Variants in CCSER2 observed in about 807,000 individuals in gnomAD.
The protein encoded by CCSER2 is serine-rich coiled-coil domain-containing protein 2.
Under a neutral mutation model 92.3 loss-of-function variants are expected in CCSER2, and 46 were observed. That is an observed-to-expected ratio of 0.50 (90% confidence interval 0.39 to 0.64). The LOEUF (loss-of-function observed/expected upper bound fraction) is 0.64. Among genes scored for constraint, CCSER2 ranks in the 30% least tolerant of loss-of-function variants. The pLI, the probability that CCSER2 is intolerant of heterozygous loss-of-function variation, is 0.00. For missense variants in CCSER2, 1,244 were observed against 1,238.9 expected, an observed-to-expected ratio of 1.00 and a Z score of -0.06; for synonymous variants, 433 against 431.4, an observed-to-expected ratio of 1.00 and a Z score of -0.04.
chr10:84,514,497 A>G lies in CCSER2; in HGVS notation c.*230A>G, dbSNP rs142173718. On this transcript the variant is annotated 3_prime_UTR_variant, in exon 10 of 10. Transcript: ENST00000372088. ...GGTAAACACGAAAGTTTGCTTACCC[A>G]TTTCAGAGGCCTGCCAAAGGCCCAA... 168 of 515,226 alleles carry G rather than the reference A, an allele frequency of 3.3e-4. No homozygotes were observed. The highest frequency in any genetic ancestry group is 5.3e-4 in the Non-Finnish European group (157 of 293,612). 31.9% of individuals were successfully genotyped at this position (515,226 alleles called of 1,614,324 possible).
chr10:84,366,355 G>A (rs900520681), intron 1 of CCSER2, among the ~76,000 whole-genome samples: 1 of 152,132 alleles, frequency 6.6e-6, no homozygotes, highest in Non-Finnish European at 1.5e-5. Context: ...TTTACATTAA[G>A]AGATTATGAA....
chr10:84,372,409 C>G lies in CCSER2; in HGVS notation c.1357C>G (p.Pro453Ala), dbSNP rs1202334462. ...GCCACCACAGGATATGTTTGATTCC[C>G]CCAAGGAAAATGAAAAAGCCTTCAG... ...NGPPQDMFDS[P>A]KENEKAFSKT... The change falls in exon 2 of 10, where the codon CCC (proline) becomes GCC (alanine). Residue 453 changes from proline (P) to alanine (A), a missense_variant. Transcript: ENST00000372088. The G allele has an allele frequency of 7.5e-6, 12 of 1,591,790 alleles. No homozygotes were observed. Among genetic ancestry groups the G allele is most frequent in the African/African-American group, 1.4e-5 (1 of 73,194 alleles).
intron 3 of CCSER2, among the ~76,000 whole-genome samples, chr10:84,393,569 T>C (rs1841651998): frequency 6.6e-6 from 1 of 152,210 alleles, no homozygotes; most frequent in African/African-American, 2.4e-5. Flanking sequence ...TGGCCCTCTG[T>C]GCCGTAGATG....
Position 84,371,919 on chromosome 10 carries a change from A to G in CCSER2, c.867A>G (p.Gly289=). ...ATGGGAATGAACATTTGGGGTATGG[A>G]TTTAATAGGCCTTATGCTGCTGGTG... The part of the protein sequence containing the change: ...VLNGNEHLGY[G]FNRPYAAGGK... Residue 289 remains glycine, a synonymous_variant, in exon 2 of 10, where the codon GGA becomes GGG. Transcript: ENST00000372088. 2 of 1,613,920 alleles carry G rather than the reference A, an allele frequency of 1.2e-6. No individual in the cohort carries two copies. Among genetic ancestry groups the G allele is most frequent in the Non-Finnish European group, 1.7e-6 (2 of 1,179,872 alleles).
chr10:84,397,956 C>T (rs1004341017), intron 3 of CCSER2, among the ~76,000 whole-genome samples: 2 of 152,192 alleles, frequency 1.3e-5, no homozygotes, highest in African/African-American at 4.8e-5. Flanking sequence ...CTAATTATAG[C>T]ATTTGAGAAA....
intron 3 of CCSER2, chr10:84,391,739 A>G (rs1841530380): frequency 1.3e-6 from 2 of 1,499,334 alleles, no homozygotes; most frequent in African/African-American, 1.4e-5. Context: ...GGTGGCCCCC[A>G]TGCTACAGCA....
chr10:84,514,534 C>A lies in CCSER2; in HGVS notation c.*267C>A. On this transcript the variant is annotated 3_prime_UTR_variant, in exon 10 of 10. Transcript: ENST00000372088. ...TGCCAAAGGCCCAAATCATGTTATC[C>A]ATCCCTCTCCACGTCAGAAAATTCA... 1 of 459,454 alleles carries A rather than the reference C, an allele frequency of 2.2e-6. No homozygotes were observed. Among genetic ancestry groups the A allele is most frequent in the Admixed American group, 4.0e-5 (1 of 25,012 alleles). 28.5% of individuals were successfully genotyped at this position (459,454 alleles called of 1,614,324 possible).
At chr10:84,495,666 C>A (rs1408128135) in intron 9 of CCSER2, among the ~76,000 whole-genome samples, 1 of 151,616 alleles carries the variant, frequency 6.6e-6, no homozygotes, top group Admixed American at 6.6e-5. Context: ...ACTGTGTCTT[C>A]TTGGTAGATT....
At chr10:84,375,372 A>T (rs1466900365) in intron 3 of CCSER2, among the ~76,000 whole-genome samples, 1 of 152,158 alleles carries the variant, frequency 6.6e-6, no homozygotes, top group East Asian at 1.9e-4. Flanking sequence ...TAAGGAGAAG[A>T]TGACAAAGTC....
At chr10:84,373,865 G>A in intron 3 of CCSER2, 50 bp downstream of exon 3, 1 of 1,609,412 alleles carries the variant, frequency 6.2e-7, no homozygotes, top group Non-Finnish European at 8.5e-7. Flanking sequence ...CCCTACTATA[G>A]AGAGACTTGT....
intron 9 of CCSER2, among the ~76,000 whole-genome samples, chr10:84,479,450 G>C (rs1186399919): frequency 6.6e-6 from 1 of 152,154 alleles, no homozygotes; most frequent in Non-Finnish European, 1.5e-5. Flanking sequence ...TGTCCAAGGG[G>C]ATTTTGTGTC....
intron 1 of CCSER2, among the ~76,000 whole-genome samples, chr10:84,370,411 G>A (rs1007505363): frequency 6.6e-6 from 1 of 151,998 alleles, no homozygotes; most frequent in African/African-American, 2.4e-5. Flanking sequence ...AAGGGATTGA[G>A]TTCTTGATTC....
Position 84,515,819 on chromosome 10 carries a change from A to G in CCSER2, c.*1552A>G, listed in dbSNP as rs116900483. On this transcript the variant is annotated 3_prime_UTR_variant, in exon 10 of 10. Transcript: ENST00000372088. ...AAGATGTTTCAAAGACAATATTCTT[A>G]TTTTAATACGCTGTAGAAGGTAGGT... 6.6e-6 allele frequency: 1 copy of G among 152,178 alleles called. No individual in the cohort carries two copies. Among genetic ancestry groups the G allele is most frequent in the Non-Finnish European group, 1.5e-5 (1 of 68,014 alleles). 9.4% of individuals were successfully genotyped at this position (152,178 alleles called of 1,614,324 possible).
chr10:84,385,516 C>T (rs1003684886), intron 3 of CCSER2, among the ~76,000 whole-genome samples: 2 of 152,118 alleles, frequency 1.3e-5, no homozygotes, highest in Non-Finnish European at 2.9e-5. Context: ...AAAGGACACC[C>T]TATTCAGTAA....
chr10:84,487,626 T>G (rs922969414), intron 9 of CCSER2, among the ~76,000 whole-genome samples: 7 of 152,186 alleles, frequency 4.6e-5, no homozygotes, highest in Non-Finnish European at 7.4e-5. Flanking sequence ...CTTATCAGCT[T>G]AAGGAGATTT....
chr10:84,456,469 T>C (rs1235543919), intron 6 of CCSER2, among the ~76,000 whole-genome samples: 2 of 152,194 alleles, frequency 1.3e-5, no homozygotes, highest in African/African-American at 4.8e-5. Flanking sequence ...ACCAGTTTGC[T>C]TATTCATTTA....
intron 6 of CCSER2, among the ~76,000 whole-genome samples, chr10:84,445,522 G>C (rs1184944709): frequency 2.0e-5 from 3 of 152,122 alleles, no homozygotes; most frequent in Admixed American, 2.0e-4. Flanking sequence ...ATACAGAAAA[G>C]GGTATAATTA....
intron 3 of CCSER2, among the ~76,000 whole-genome samples, chr10:84,381,567 C>G (rs1446478519): frequency 6.6e-6 from 1 of 152,126 alleles, no homozygotes; most frequent in Non-Finnish European, 1.5e-5. Flanking sequence ...AATTTTGATA[C>G]ATGCGAGGCA....
intron 4 of CCSER2, chr10:84,424,885 C>T (rs1843345700): frequency 2.2e-6 from 1 of 462,216 alleles, no homozygotes; most frequent in Non-Finnish European, 2.8e-6. Flanking sequence ...GCAAACTGGG[C>T]TTGCTTCCCA....
Sources: gnomAD v4.1 joint callset for allele counts (sites outside exome capture counted in the v4.1 genomes callset) on GRCh38, gnomAD v4.1.1 for gene constraint, MANE v1.5 for transcripts, NCBI Gene and HGNC (gene_info 2026-07-23, HGNC 2026-07-21) for gene names.